CUBN: variants seen among roughly 807,000 people sequenced by gnomAD.
CUBN encodes the protein cubilin.
CUBN carries 282 observed loss-of-function variants against 405.3 expected under a neutral mutation model. That is an observed-to-expected ratio of 0.70 (90% CI 0.63 to 0.77). The LOEUF (loss-of-function observed/expected upper bound fraction) is 0.77. Ranked by LOEUF, CUBN falls within the 30% of genes least tolerant of loss-of-function variation. The probability of loss-of-function intolerance (pLI) is 0.00; values close to 1 mark genes in which losing one functional copy is unlikely to be tolerated. For synonymous variants in CUBN, 1,684 were observed against 1,617.0 expected (o/e 1.04, Z -0.99); for missense variants, 4,514 against 4,475.2 (o/e 1.01, Z -0.25).
intron 40 of CUBN, among the ~76,000 whole-genome samples, chr10:16,929,168 T>C (rs558892656): frequency 9.9e-4 from 151 of 152,290 alleles, no homozygotes; most frequent in African/African-American, 3.4e-3. Context: ...TGTTTTGGTA[T>C]AAAAACAACC....
At chr10:17,058,935 T>G (rs1347627315) in intron 22 of CUBN, among the ~76,000 whole-genome samples, 1 of 152,014 alleles carries the variant, frequency 6.6e-6, no homozygotes, top group African/African-American at 2.4e-5. Flanking sequence ...CAAAGGAAAA[T>G]TCATATCCAA....
At chr10:17,048,753 T>G (rs957306569) in intron 22 of CUBN, among the ~76,000 whole-genome samples, 3 of 152,192 alleles carry the variant, frequency 2.0e-5, no homozygotes, top group African/African-American at 7.2e-5. Context: ...AATAAACTAT[T>G]GTGTTTCATT....
Position 17,104,554 on chromosome 10 carries a change from T to C in CUBN, c.1282A>G (p.Asn428Asp). The C allele has an allele frequency of 6.2e-7, 1 of 1,613,868 alleles. No individual in the cohort carries two copies. Among genetic ancestry groups the C allele is most frequent in the East Asian group, 2.2e-5 (1 of 44,852 alleles). The part of the protein sequence containing the change: ...CKCDSGWTGV[N>D]CTENINECLS... ...CACTCATTGATGTTTTCTGTACAGT[T>C]GACACCTGTCCAACCTGAGTCACAC... The change falls in exon 12 of 67, where the codon AAC becomes GAC. Residue 428 changes from asparagine (N) to aspartate (D), a missense_variant. Transcript: ENST00000377833.
At chr10:16,850,888 C>T (rs1056369925) in intron 60 of CUBN, among the ~76,000 whole-genome samples, 6 of 152,180 alleles carry the variant, frequency 3.9e-5, no homozygotes, top group African/African-American at 1.4e-4. Flanking sequence ...GTGTCACTGA[C>T]ATTGTTTATT....
chr10:16,934,428 G>C (rs1258258852), intron 39 of CUBN, among the ~76,000 whole-genome samples: 2 of 152,152 alleles, frequency 1.3e-5, no homozygotes, highest in African/African-American at 2.4e-5. Flanking sequence ...TGTAGAACTA[G>C]GTCCTGATTT....
intron 22 of CUBN, among the ~76,000 whole-genome samples, chr10:17,053,504 G>A (rs1329409910): frequency 6.6e-6 from 1 of 151,980 alleles, no homozygotes; most frequent in Admixed American, 6.6e-5. Flanking sequence ...TAATGACAAA[G>A]GGGACAATTT....
chr10:16,973,854 G>A (rs1833010574), intron 31 of CUBN, among the ~76,000 whole-genome samples: 1 of 152,130 alleles, frequency 6.6e-6, no homozygotes, highest in African/African-American at 2.4e-5. Context: ...ACATTCCCTG[G>A]TGTATACGTA....
At position 17,058,893 on chromosome 10, in the gene CUBN, G is replaced by C. The variant is rs575216991; in HGVS notation, c.3139+6615C>G. On this transcript the variant is annotated intron_variant, in intron 22 of 66. Coordinates refer to ENST00000377833, the MANE Select transcript of CUBN (RefSeq NM_001081.4). Reference sequence around the variant, plus strand: ...CAATACAAAATGCAAAGATAAAAATGTATCTATGCCTTTTATTTTATCTTG... The same window carrying C: ...CAATACAAAATGCAAAGATAAAAATCTATCTATGCCTTTTATTTTATCTTG... Among the ~76,000 whole-genome samples the C allele has an allele frequency of 4.6e-5, 7 of 152,110 alleles. No individual in the cohort carries two copies. The South Asian group carries it at 1.5e-3, about 32-fold the overall frequency.
At chr10:16,902,714 A>C (rs1588634593) in intron 51 of CUBN, among the ~76,000 whole-genome samples, 1 of 152,204 alleles carries the variant, frequency 6.6e-6, no homozygotes, top group East Asian at 1.9e-4. Flanking sequence ...TGGAAAGAAA[A>C]GCAGCTCCCC....
At chr10:16,864,929 C>T (rs185004725) in intron 59 of CUBN, among the ~76,000 whole-genome samples, 2 of 135,300 alleles carry the variant, frequency 1.5e-5, no homozygotes, top group East Asian at 2.3e-4. Context: ...AGATTACAGG[C>T]GTGAGCCACC....
chr10:16,892,398 T>A (rs1160013622), intron 54 of CUBN, among the ~76,000 whole-genome samples: 2 of 152,180 alleles, frequency 1.3e-5, no homozygotes, highest in African/African-American at 4.8e-5. Context: ...TTCCCCCTAA[T>A]AATATATCCA....
chr10:16,901,703 A>C (rs1841377203), intron 51 of CUBN, among the ~76,000 whole-genome samples: 1 of 151,478 alleles, frequency 6.6e-6, no homozygotes, highest in Non-Finnish European at 1.5e-5. Flanking sequence ...AAAATACAAA[A>C]ATTAGCTGGG....
intron 45 of CUBN, among the ~76,000 whole-genome samples, chr10:16,916,424 C>T (rs1841886656): frequency 6.6e-6 from 1 of 152,150 alleles, no homozygotes; most frequent in Non-Finnish European, 1.5e-5. Flanking sequence ...AAAGACTGAA[C>T]CCAAGCTCAG....
At chr10:16,828,750 A>T in intron 66 of CUBN, 55 bp downstream of exon 66, 1 of 1,357,118 alleles carries the variant, frequency 7.4e-7, no homozygotes, top group Non-Finnish European at 1.1e-6. Flanking sequence ...ACACTAAGTG[A>T]CTCATTATTG....
intron 31 of CUBN, among the ~76,000 whole-genome samples, chr10:16,970,657 G>A (rs914826818): frequency 2.2e-5 from 3 of 137,908 alleles, no homozygotes; most frequent in African/African-American, 5.1e-5. Context: ...CTGCCATTCC[G>A]TATCCTGTAC....
intron 28 of CUBN, among the ~76,000 whole-genome samples, chr10:17,015,406 T>C (rs957907138): frequency 1.3e-5 from 2 of 152,168 alleles, no homozygotes; most frequent in Non-Finnish European, 2.9e-5. Flanking sequence ...GTGTGGGACT[T>C]TCAGGCATAA....
At chr10:17,043,533 T>C (rs1411059491) in intron 26 of CUBN, among the ~76,000 whole-genome samples, 1 of 152,204 alleles carries the variant, frequency 6.6e-6, no homozygotes, top group Non-Finnish European at 1.5e-5. Flanking sequence ...GCATATTAAA[T>C]ACTCTTCTAA....
rs1838708242 is a variant in CUBN, at chr10:16,824,292, A to G, written c.*683T>C. ...GGTCTCAAACTCCTAGGTTCAAGCA[A>G]TCCTCCCATCATGGCCTCCCAGCGT... On this transcript the variant is annotated 3_prime_UTR_variant, in exon 67 of 67. Transcript: ENST00000377833. 6.6e-6 allele frequency: 1 copy of G among 152,170 alleles called. No homozygotes were observed. Among genetic ancestry groups the G allele is most frequent in the African/African-American group, 2.4e-5 (1 of 41,394 alleles). The allele number at this position is 152,170 out of a possible 1,614,324, so 9.4% of individuals were successfully genotyped here.
chr10:17,020,095 A>G (rs1834450727), intron 27 of CUBN, 112 bp from the exon 28 acceptor site: 1 of 1,182,210 alleles, frequency 8.5e-7, no homozygotes, highest in East Asian at 2.3e-5. Flanking sequence ...TTAGAGGTAA[A>G]TCTGCTGAGG....
Sources: allele counts gnomAD v4.1 joint callset (sites outside exome capture counted in the v4.1 genomes callset), GRCh38; gene constraint gnomAD v4.1.1; transcripts MANE v1.5; gene names NCBI Gene and HGNC (gene_info 2026-07-23, HGNC 2026-07-21).